Variants in CALCOCO2 observed in about 807,000 individuals in gnomAD.
The protein encoded by CALCOCO2 is calcium-binding and coiled-coil domain-containing protein 2.
Under a neutral mutation model 62.5 loss-of-function variants are expected in CALCOCO2, and 42 were observed. The observed-to-expected ratio is 0.67, with a 90% CI of 0.53 to 0.87. The LOEUF (loss-of-function observed/expected upper bound fraction) is 0.87. Ranked by LOEUF, CALCOCO2 falls within the 40% of genes least tolerant of loss-of-function variation. The pLI is 0.00. For missense variants in CALCOCO2, 456 were observed against 515.0 expected, an observed-to-expected ratio of 0.89 and a Z score of 1.11; for synonymous variants, 167 against 173.0, an observed-to-expected ratio of 0.97 and a Z score of 0.27.
At chr17:48,852,339 T>TA in intron 7 of CALCOCO2, 167 bp from the exon 8 acceptor site, 1 of 580,786 alleles carries the variant, frequency 1.7e-6, no homozygotes, top group East Asian at 2.9e-5. Context: ...TTTAGGAAGC[T>TA]ATGCCTTAAA....
chr17:48,858,597 T>C (rs889135785), intron 10 of CALCOCO2, among the ~76,000 whole-genome samples: 35 of 152,018 alleles, frequency 2.3e-4, no homozygotes, highest in African/African-American at 8.5e-4. Context: ...CCCAAAGTGA[T>C]GGGATTACAG....
At position 48,849,248 on chromosome 17, in the gene CALCOCO2, GT is replaced by G; in HGVS notation, c.418-3del. On this transcript the variant is annotated splice_polypyrimidine_tract_variant and splice_region_variant and intron_variant, in intron 4 of 12. Transcript: ENST00000258947. ...AATATAGTTTATGGAATGTTCTTTT[GT>G]AGGGAGAGGTGGAAGAGATTGAGCA... 6.2e-7 allele frequency: 1 copy of G among 1,613,514 alleles called. No individual in the cohort carries two copies. The highest frequency in any genetic ancestry group is 8.5e-7 in the Non-Finnish European group (1 of 1,179,616).
At chr17:48,840,541 C>T (rs1261146963) in intron 1 of CALCOCO2, among the ~76,000 whole-genome samples, 2 of 152,170 alleles carry the variant, frequency 1.3e-5, no homozygotes, top group Admixed American at 6.6e-5. Flanking sequence ...TGCTGTCTTC[C>T]AAATGTGGGT....
chr17:48,858,040 A>G (rs1205106742), intron 10 of CALCOCO2, among the ~76,000 whole-genome samples: 27 of 11,518 alleles, frequency 2.3e-3, no homozygotes, highest in Non-Finnish European at 4.6e-3. Context: ...AATAGAATAG[A>G]ATAGAAAATA....
intron 1 of CALCOCO2, among the ~76,000 whole-genome samples, chr17:48,835,746 TTTTCTTTTC>T (rs541807608): frequency 0.11 from 16,254 of 148,850 alleles, 1,560 homozygotes; most frequent in African/African-American, 0.28. Flanking sequence ...TTTTCTTTTC[TTTTCTTTTC>T]TTTTTTTTTG....
At chr17:48,833,309 C>G (rs1276029905) in intron 1 of CALCOCO2, among the ~76,000 whole-genome samples, 1 of 152,188 alleles carries the variant, frequency 6.6e-6, no homozygotes, top group Non-Finnish European at 1.5e-5. Context: ...GTAATCCCAG[C>G]ACTTTGGGAG....
intron 7 of CALCOCO2, 63 bp from the exon 8 acceptor site, chr17:48,852,443 G>C: frequency 6.9e-7 from 1 of 1,441,770 alleles, no homozygotes; most frequent in Non-Finnish European, 9.6e-7. Flanking sequence ...ACGTTAAAAA[G>C]CATTGTTCCT....
intron 10 of CALCOCO2, among the ~76,000 whole-genome samples, chr17:48,857,988 A>AG (rs2040247969): frequency 2.2e-5 from 1 of 44,954 alleles, no homozygotes; most frequent in Non-Finnish European, 7.6e-5. Flanking sequence ...AGAATAGAAT[A>AG]GAATAGAATA....
At chr17:48,848,972 C>A in intron 4 of CALCOCO2, 1 of 434,542 alleles carries the variant, frequency 2.3e-6, no homozygotes, top group Non-Finnish European at 4.3e-6. Context: ...TTGGGAGAGA[C>A]AAACAATACT....
intron 1 of CALCOCO2, among the ~76,000 whole-genome samples, chr17:48,836,805 C>G (rs2039899027): frequency 6.7e-6 from 1 of 150,346 alleles, no homozygotes; most frequent in Admixed American, 6.6e-5. Context: ...TCTTATTGCC[C>G]AAGCTGGAGT....
Position 48,851,613 on chromosome 17 carries a change from A to G in CALCOCO2, c.687A>G (p.Arg229=), listed in dbSNP as rs747726346. 3 of 1,595,788 alleles carry G rather than the reference A, an allele frequency of 1.9e-6. No individual in the cohort carries two copies. Among genetic ancestry groups the G allele is most frequent in the East Asian group, 2.2e-5 (1 of 44,802 alleles). Residue 229 remains arginine (R), a synonymous_variant, in exon 7 of 13, where the codon AGA becomes AGG. Coordinates refer to ENST00000258947, the MANE Select transcript of CALCOCO2 (RefSeq NM_005831.5). ...MSSENEKMGI[R]VDQLQAQLST... Reference sequence around the variant, plus strand: ...CAGAAAATGAGAAGATGGGAATCAGAGTGGATCAGCTTCAGGTAGGTAATG... The same window carrying G: ...CAGAAAATGAGAAGATGGGAATCAGGGTGGATCAGCTTCAGGTAGGTAATG...
intron 5 of CALCOCO2, among the ~76,000 whole-genome samples, chr17:48,850,435 CAACA>C (rs1455717650): frequency 6.6e-6 from 1 of 151,990 alleles, no homozygotes; most frequent in African/African-American, 2.4e-5. Context: ...CCAGCCTGAG[CAACA>C]GAGCAAGACT....
chr17:48,839,353 CTTTTTTT>C (rs71144529), intron 1 of CALCOCO2: 27 of 130,294 alleles, frequency 2.1e-4, no homozygotes, highest in Non-Finnish European at 2.7e-4. Flanking sequence ...AATGGTTTCT[CTTTTTTT>C]TTTTTTTTTT....
Position 48,839,113 on chromosome 17 carries a change from T to C in CALCOCO2, c.-10-2585T>C, listed in dbSNP as rs373317114. On this transcript the variant is annotated intron_variant, in intron 1 of 12. Transcript: ENST00000258947. ...AACTCGGCCTCCCGGGTTCCTGCCA[T>C]TCTCCTGCCTCAGCCTCCTGAGTAG... is the stretch of plus-strand genomic sequence containing the variant. 3.3e-4 allele frequency among the ~76,000 whole-genome samples: 50 copies of C among 151,476 alleles called. 2 individuals carry two copies. Among genetic ancestry groups the C allele is most frequent in the African/African-American group, 1.1e-3 (44 of 41,254 alleles).
At chr17:48,852,731 C>A in intron 8 of CALCOCO2, 103 bp downstream of exon 8, 1 of 1,198,060 alleles carries the variant, frequency 8.3e-7, no homozygotes, top group Non-Finnish European at 1.2e-6. Flanking sequence ...ACCTGGATGT[C>A]ACTGGCTTTA....
At chr17:48,837,896 T>A (rs183602354) in intron 1 of CALCOCO2, among the ~76,000 whole-genome samples, 1 of 152,206 alleles carries the variant, frequency 6.6e-6, no homozygotes, top group Non-Finnish European at 1.5e-5. Flanking sequence ...AGAATAAGTA[T>A]TATGGTTGTT....
chr17:48,846,047 A>G, intron 2 of CALCOCO2: 2 of 1,478,288 alleles, frequency 1.4e-6, no homozygotes, highest in Non-Finnish European at 9.1e-7. Context: ...AGTCTTAATC[A>G]GACTATTCAA....
At chr17:48,833,021 A>C (rs544741678) in intron 1 of CALCOCO2, among the ~76,000 whole-genome samples, 4 of 152,300 alleles carry the variant, frequency 2.6e-5, no homozygotes, top group Non-Finnish European at 4.4e-5. Flanking sequence ...TTCATATTTT[A>C]GGTAAGGGTC....
chr17:48,858,010 A>C (rs995349483), intron 10 of CALCOCO2, among the ~76,000 whole-genome samples: 18 of 19,304 alleles, frequency 9.3e-4, no homozygotes, highest in South Asian at 4.5e-3. Flanking sequence ...AATAGAATAG[A>C]ATAGAATAGA....
Sources: gnomAD v4.1 joint callset for allele counts (sites outside exome capture counted in the v4.1 genomes callset) on GRCh38, gnomAD v4.1.1 for gene constraint, MANE v1.5 for transcripts, NCBI Gene and HGNC (gene_info 2026-07-23, HGNC 2026-07-21) for gene names.